The following GALNTL6 variants were observed in gnomAD, a reference collection of about 807,000 sequenced individuals.
GALNTL6 encodes polypeptide N-acetylgalactosaminyltransferase like 6, also known as polypeptide N-acetylgalactosaminyltransferase-like 6.
A neutral mutation model predicts 73.7 loss-of-function variants in GALNTL6; 46 were observed. The ratio of observed to expected loss-of-function variants is 0.62; its 90% CI spans 0.49 to 0.80. The LOEUF is 0.80. GALNTL6 is among the 30% of genes least tolerant of loss of function. GALNTL6 has a pLI of 0.00. For missense variants in GALNTL6, 604 were observed against 755.0 expected (o/e 0.80, Z 2.34); for synonymous variants, 259 against 263.7 (o/e 0.98, Z 0.17).
intron 5 of GALNTL6, among the ~76,000 whole-genome samples, chr4:172,755,925 A>T (rs2110801909): frequency 6.6e-6 from 1 of 152,362 alleles, no homozygotes; most frequent in East Asian, 1.9e-4. Context: ...ACTTCAAAGT[A>T]TTAAATGATG....
chr4:172,303,189 G>T (rs1038609177), intron 3 of GALNTL6, among the ~76,000 whole-genome samples: 1 of 151,930 alleles, frequency 6.6e-6, no homozygotes, highest in African/African-American at 2.4e-5. Context: ...TAGTAGAGAT[G>T]GGGTTTCACC....
intron 5 of GALNTL6, among the ~76,000 whole-genome samples, chr4:172,713,582 G>A (rs537796117): frequency 6.6e-6 from 1 of 152,144 alleles, no homozygotes; most frequent in South Asian, 2.1e-4. Flanking sequence ...GGTCACTGTG[G>A]CCCAAACATG....
At chr4:172,391,454 C>A (rs1465526873) in intron 5 of GALNTL6, among the ~76,000 whole-genome samples, 1 of 152,190 alleles carries the variant, frequency 6.6e-6, no homozygotes, top group Admixed American at 6.5e-5. Flanking sequence ...AATCCTCTCA[C>A]CTCAGCCTCT....
chr4:172,971,851 T>C (rs1750598253), intron 10 of GALNTL6, among the ~76,000 whole-genome samples: 1 of 152,132 alleles, frequency 6.6e-6, no homozygotes, highest in South Asian at 2.1e-4. Context: ...TAAATCAGTA[T>C]GTCAGAGCTG....
intron 7 of GALNTL6, among the ~76,000 whole-genome samples, chr4:172,828,401 C>T (rs1039067864): frequency 6.6e-6 from 1 of 152,098 alleles, no homozygotes; most frequent in Non-Finnish European, 1.5e-5. Context: ...TGCCTGTCAT[C>T]CTATGCCTCC....
At chr4:172,985,112 G>C (rs908265422) in intron 10 of GALNTL6, among the ~76,000 whole-genome samples, 1 of 152,132 alleles carries the variant, frequency 6.6e-6, no homozygotes, top group African/African-American at 2.4e-5. Flanking sequence ...CATTGCTGGA[G>C]CCTTGCCCAT....
intron 2 of GALNTL6, among the ~76,000 whole-genome samples, chr4:172,128,852 C>T (rs923391329): frequency 6.6e-6 from 1 of 152,152 alleles, no homozygotes; most frequent in African/African-American, 2.4e-5. Context: ...TTTTTTCCCC[C>T]TCTCCTATGT....
chr4:171,989,094 G>A (rs1740235260), intron 2 of GALNTL6, among the ~76,000 whole-genome samples: 1 of 152,144 alleles, frequency 6.6e-6, no homozygotes. Context: ...AGTTTTAAGA[G>A]GTTTAGAAGC....
chr4:172,606,667 A>ATATACTATATATATAGTATATATATAC (rs1304452218), intron 5 of GALNTL6, among the ~76,000 whole-genome samples: 9 of 44,896 alleles, frequency 2.0e-4, no homozygotes, highest in African/African-American at 3.7e-4. Flanking sequence ...TATATACTAT[A>ATATACTATATATATAGTATATATATAC]TATATATACT....
intron 5 of GALNTL6, among the ~76,000 whole-genome samples, chr4:172,728,469 C>T (rs997838906): frequency 4.0e-5 from 6 of 151,594 alleles, no homozygotes; most frequent in African/African-American, 1.5e-4. Context: ...TTTGTTATGG[C>T]TGAATTATAT....
At chr4:172,529,842 C>T (rs984336553) in intron 5 of GALNTL6, among the ~76,000 whole-genome samples, 4 of 131,150 alleles carry the variant, frequency 3.0e-5, no homozygotes, top group Non-Finnish European at 6.3e-5. Flanking sequence ...TGCACCACCA[C>T]ATCTGGCTAA....
intron 5 of GALNTL6, among the ~76,000 whole-genome samples, chr4:172,799,160 T>C (rs1740457791): frequency 6.6e-6 from 1 of 152,114 alleles, no homozygotes; most frequent in Non-Finnish European, 1.5e-5. Flanking sequence ...AGTCACTAGA[T>C]GCAAAGAGCA....
At chr4:172,009,154 A>AT (rs1427877644) in intron 2 of GALNTL6, among the ~76,000 whole-genome samples, 1 of 152,038 alleles carries the variant, frequency 6.6e-6, no homozygotes, top group Non-Finnish European at 1.5e-5. Flanking sequence ...TTTCTCTTTA[A>AT]TTTTCATAAA....
chr4:172,189,917 T>A (rs954168142), intron 2 of GALNTL6, among the ~76,000 whole-genome samples: 1 of 152,158 alleles, frequency 6.6e-6, no homozygotes, highest in African/African-American at 2.4e-5. Flanking sequence ...GTATAATCAC[T>A]ATGCAAATAT....
At chr4:172,172,482 C>T (rs1344603171) in intron 2 of GALNTL6, among the ~76,000 whole-genome samples, 2 of 152,190 alleles carry the variant, frequency 1.3e-5, no homozygotes, top group East Asian at 3.9e-4. Context: ...TAGGCGTGAG[C>T]CACAACACCC....
chr4:171,847,438 G>T (rs1186665539), intron 2 of GALNTL6, among the ~76,000 whole-genome samples: 1 of 152,134 alleles, frequency 6.6e-6, no homozygotes, highest in African/African-American at 2.4e-5. Context: ...GATGATTGGG[G>T]TGGCTGTGTC....
chr4:172,180,836 GT>G (rs1368169814), intron 2 of GALNTL6, among the ~76,000 whole-genome samples: 1 of 152,284 alleles, frequency 6.6e-6, no homozygotes, highest in East Asian at 1.9e-4. Context: ...GTACCATGCT[GT>G]TTTGGTTACT....
intron 5 of GALNTL6, among the ~76,000 whole-genome samples, chr4:172,555,764 T>C (rs1272061263): frequency 1.3e-5 from 2 of 152,090 alleles, no homozygotes; most frequent in South Asian, 4.1e-4. Flanking sequence ...TAAACAAATA[T>C]ATTTTAAAAG....
At chr4:172,998,646 C>T (rs1751902579) in intron 10 of GALNTL6, among the ~76,000 whole-genome samples, 1 of 152,118 alleles carries the variant, frequency 6.6e-6, no homozygotes, top group African/African-American at 2.4e-5. Flanking sequence ...TTCCTTATTG[C>T]CAAATCCAAC....
Sources: gnomAD v4.1 joint callset for allele counts (sites outside exome capture counted in the v4.1 genomes callset) on GRCh38, gnomAD v4.1.1 for gene constraint, MANE v1.5 for transcripts, NCBI Gene and HGNC (gene_info 2026-07-23, HGNC 2026-07-21) for gene names.